RYR3: variants seen among roughly 807,000 people sequenced by gnomAD.
RYR3 encodes the protein ryanodine receptor 3.
A neutral mutation model predicts 584.3 loss-of-function variants in RYR3; 207 were observed. That is an observed-to-expected ratio of 0.35 (90% confidence interval 0.32 to 0.40). The LOEUF is 0.40. RYR3 is among the 10% of genes least tolerant of loss of function. The pLI is 1.00. For missense variants in RYR3, 5,616 were observed against 6,089.2 expected (o/e 0.92, Z 2.59); for synonymous variants, 2,416 against 2,248.5 (o/e 1.07, Z -2.11).
At chr15:33,389,192 C>T (rs887778209) in intron 1 of RYR3, among the ~76,000 whole-genome samples, 3 of 151,500 alleles carry the variant, frequency 2.0e-5, no homozygotes, top group Non-Finnish European at 2.9e-5. Context: ...CAAACCTGCA[C>T]GTTGTGCACA....
rs539220031 is a variant in RYR3 at position 33,581,709 on chromosome 15, G to A, written c.1573+66G>A. 142 of 1,434,694 alleles carry A rather than the reference G, an allele frequency of 9.9e-5. 1 individual carries two copies. In the South Asian group the frequency reaches 1.6e-3, roughly 16 times the overall value. The allele number at this position is 1,434,694 out of a possible 1,614,324, so 88.9% of individuals were successfully genotyped here. A position where few individuals can be genotyped will look rare whatever the true frequency, so the allele number is the denominator to read the frequency against. Reference sequence around the variant, plus strand: ...ATGGGATTTCCACGTGCAATCCCAAGATTGTCTTTAACTTGCCATTAACCC... The same window carrying A: ...ATGGGATTTCCACGTGCAATCCCAAAATTGTCTTTAACTTGCCATTAACCC... On this transcript the variant is annotated intron_variant, in intron 14 of 103. Coordinates refer to ENST00000634891, the MANE Select transcript of RYR3 (RefSeq NM_001036.6).
chr15:33,596,061 TAA>T (rs1470090978), intron 16 of RYR3, among the ~76,000 whole-genome samples: 2 of 136,152 alleles, frequency 1.5e-5, no homozygotes, highest in Admixed American at 1.6e-4. Context: ...TATTTCTCTT[TAA>T]GTTTTTCACC....
At chr15:33,578,790 A>C (rs1295365565) in intron 12 of RYR3, among the ~76,000 whole-genome samples, 2 of 143,560 alleles carry the variant, frequency 1.4e-5, no homozygotes, top group African/African-American at 5.3e-5. Flanking sequence ...AACAACAAAA[A>C]AAAACTCCTC....
intron 18 of RYR3, among the ~76,000 whole-genome samples, chr15:33,608,232 G>T (rs1342504417): frequency 6.6e-6 from 1 of 152,196 alleles, no homozygotes; most frequent in African/African-American, 2.4e-5. Context: ...GGTTCATGCA[G>T]CAGGTAAGGG....
intron 93 of RYR3, among the ~76,000 whole-genome samples, chr15:33,845,621 T>A (rs1253368726): frequency 6.6e-6 from 1 of 152,152 alleles, no homozygotes; most frequent in Non-Finnish European, 1.5e-5. Flanking sequence ...CACTTTCAAG[T>A]TTGAGAAGCC....
intron 64 of RYR3, 151 bp from the exon 65 acceptor site, chr15:33,780,060 G>T: frequency 1.3e-6 from 1 of 789,464 alleles, no homozygotes; most frequent in Non-Finnish European, 2.0e-6. Flanking sequence ...TTAGTGTCTA[G>T]AGAAAGAGGA....
At chr15:33,835,165 T>C (rs1310779962) in intron 87 of RYR3, 93 bp downstream of exon 87, 2 of 980,832 alleles carry the variant, frequency 2.0e-6, no homozygotes, top group Non-Finnish European at 3.1e-6. Flanking sequence ...GGCTGCTTGA[T>C]CAAAGGCTGG....
intron 71 of RYR3, 59 bp downstream of exon 71, chr15:33,810,708 T>G: frequency 1.2e-6 from 2 of 1,604,374 alleles, no homozygotes; most frequent in Non-Finnish European, 1.7e-6. Flanking sequence ...TGATAAGCAT[T>G]CAGCCCCTGA....
chr15:33,853,920 G>A (rs927369192), intron 96 of RYR3, among the ~76,000 whole-genome samples: 3 of 152,122 alleles, frequency 2.0e-5, no homozygotes, highest in East Asian at 1.9e-4. Context: ...TGGGCTGGGC[G>A]CAGTGGCTCA....
intron 94 of RYR3, 90 bp from the exon 95 acceptor site, chr15:33,852,955 C>T: frequency 8.9e-7 from 1 of 1,121,904 alleles, no homozygotes; most frequent in Non-Finnish European, 1.3e-6. Context: ...AGAAAGATCC[C>T]AGATCCAGGC....
chr15:33,783,571 A>G (rs546575029), intron 65 of RYR3, among the ~76,000 whole-genome samples: 2 of 152,226 alleles, frequency 1.3e-5, no homozygotes, highest in Non-Finnish European at 2.9e-5. Flanking sequence ...CAGCGGGCAA[A>G]AAGTGTTCAT....
chr15:33,407,107 A>G (rs2043078023), intron 1 of RYR3, among the ~76,000 whole-genome samples: 1 of 152,180 alleles, frequency 6.6e-6, no homozygotes, highest in Admixed American at 6.5e-5. Context: ...GAAGGGACAG[A>G]AGGTCAAGAG....
At chr15:33,723,162 T>C (rs1408721204) in intron 44 of RYR3, among the ~76,000 whole-genome samples, 1 of 152,218 alleles carries the variant, frequency 6.6e-6, no homozygotes, top group Non-Finnish European at 1.5e-5. Context: ...CTCCCTATAG[T>C]ATCACCATGG....
At chr15:33,484,843 C>T (rs1280824060) in intron 2 of RYR3, among the ~76,000 whole-genome samples, 1 of 152,112 alleles carries the variant, frequency 6.6e-6, no homozygotes, top group Non-Finnish European at 1.5e-5. Context: ...AGACATCCAA[C>T]AGAAAATTTT....
chr15:33,591,312 G>A (rs572363928), intron 16 of RYR3, among the ~76,000 whole-genome samples: 20 of 152,288 alleles, frequency 1.3e-4, no homozygotes, highest in African/African-American at 4.6e-4. Context: ...GTTCCAATCT[G>A]CCTTCTATTA....
At chr15:33,656,751 C>A (rs2062842255) in intron 32 of RYR3, among the ~76,000 whole-genome samples, 1 of 152,148 alleles carries the variant, frequency 6.6e-6, no homozygotes, top group South Asian at 2.1e-4. Flanking sequence ...GGCTATCAGC[C>A]AGGGCCACTC....
intron 1 of RYR3, among the ~76,000 whole-genome samples, chr15:33,408,544 T>C (rs963496530): frequency 1.6e-4 from 24 of 152,234 alleles, no homozygotes; most frequent in African/African-American, 5.8e-4. Flanking sequence ...CAAATGGTAG[T>C]TCTGTTTTAA....
In RYR3 at chr15:33,462,465, G is replaced by A. The variant is rs1596250275; in HGVS notation, c.52-10954G>A. Among the ~76,000 whole-genome samples, 3 of 152,146 alleles carry A rather than the reference G, an allele frequency of 2.0e-5. No homozygotes were observed. In the East Asian group the frequency reaches 5.8e-4, roughly 29 times the overall value. ...TAGTTATTTCCCAAAAACAAAAGTGGATGTGCTGTGGCCTTTTCCCCTCAG... is the reference window on the plus strand; with the variant it reads ...TAGTTATTTCCCAAAAACAAAAGTGAATGTGCTGTGGCCTTTTCCCCTCAG... On this transcript the variant is annotated intron_variant, in intron 1 of 103. Coordinates refer to ENST00000634891, the MANE Select transcript of RYR3 (RefSeq NM_001036.6).
intron 27 of RYR3, among the ~76,000 whole-genome samples, chr15:33,640,303 G>A (rs1248897150): frequency 6.6e-6 from 1 of 152,202 alleles, no homozygotes; most frequent in Non-Finnish European, 1.5e-5. Context: ...GGGGAGCGTG[G>A]CCTGTTGTTT....
Sources: gnomAD v4.1 joint callset for allele counts (sites outside exome capture counted in the v4.1 genomes callset) on GRCh38, gnomAD v4.1.1 for gene constraint, MANE v1.5 for transcripts, NCBI Gene and HGNC (gene_info 2026-07-23, HGNC 2026-07-21) for gene names.